The following MED16 variants were observed in gnomAD, a reference collection of about 807,000 sequenced individuals.
The protein encoded by MED16 is mediator complex subunit 16.
MED16 carries 81 observed loss-of-function variants against 84.4 expected under a neutral mutation model. The ratio of observed to expected loss-of-function variants is 0.96; its 90% CI spans 0.80 to 1.15. The LOEUF (loss-of-function observed/expected upper bound fraction) is 1.15. Ranked by LOEUF, MED16 falls within the 50% of genes most tolerant of loss-of-function variation. MED16 has a pLI of 0.00. For synonymous variants in MED16, 897 were observed against 552.2 expected, an observed-to-expected ratio of 1.62 and a Z score of -8.76; for missense variants, 1,585 against 1,245.9, an observed-to-expected ratio of 1.27 and a Z score of -4.10.
intron 1 of MED16, 143 bp downstream of exon 1, chr19:892,943 A>C (rs1002620083): frequency 9.1e-6 from 1 of 109,734 alleles, no homozygotes; most frequent in African/African-American, 3.4e-5. Context: ...CCCGCGCCCC[A>C]GGCCGCCTAC....
chr19:892,621 C>CA (rs1233214639), intron 1 of MED16: 2 of 151,642 alleles, frequency 1.3e-5, no homozygotes, highest in Non-Finnish European at 2.9e-5. Flanking sequence ...TATAACTCCG[C>CA]AGTCCCCAGT....
At chr19:872,832 TG>T in intron 11 of MED16, 1 of 416,326 alleles carries the variant, frequency 2.4e-6, no homozygotes, top group Non-Finnish European at 3.3e-6. Flanking sequence ...CGTGTAGGGG[TG>T]GGGCTGAGAA....
At chr19:869,725 G>A (rs1162714501) in intron 13 of MED16, among the ~76,000 whole-genome samples, 1 of 152,216 alleles carries the variant, frequency 6.6e-6, no homozygotes, top group Non-Finnish European at 1.5e-5. Flanking sequence ...AGGGCTGCTG[G>A]AGGTTCACTT....
intron 6 of MED16, among the ~76,000 whole-genome samples, chr19:883,227 C>A (rs982984817): frequency 6.6e-6 from 1 of 151,528 alleles, no homozygotes; most frequent in African/African-American, 2.4e-5. Context: ...TGGTAGGAAC[C>A]GAAGCCTGGC....
At chr19:892,029 G>A (rs2036647468) in intron 1 of MED16, among the ~76,000 whole-genome samples, 1 of 146,678 alleles carries the variant, frequency 6.8e-6, no homozygotes, top group East Asian at 2.0e-4. Flanking sequence ...TGGCCGAGGC[G>A]GGGCTGAGTG....
At chr19:875,846 G>A (rs945138482) in intron 9 of MED16, among the ~76,000 whole-genome samples, 1 of 152,200 alleles carries the variant, frequency 6.6e-6, no homozygotes, top group African/African-American at 2.4e-5. Context: ...GGTCTAGAGA[G>A]AATGAATGAA....
chr19:889,500 G>T lies in MED16; in HGVS notation c.447+138C>A, dbSNP rs188589823. 7.9e-5 allele frequency: 74 copies of T among 939,320 alleles called. No individual in the cohort carries two copies. The East Asian group carries it at 1.8e-3, about 23-fold the overall frequency. 58.2% of individuals were successfully genotyped at this position (939,320 alleles called of 1,614,324 possible). On this transcript the variant is annotated intron_variant, in intron 4 of 15. Transcript: ENST00000325464. The stretch of plus-strand genomic sequence containing the variant: ...ACTGAACACACAGGTGCTAATGACA[G>T]CCGGACTGCAGGTGGGAGCCAAGTG...
chr19:879,739 T>G (rs867818427), intron 8 of MED16, among the ~76,000 whole-genome samples, 198 bp downstream of exon 8: 170 of 143,084 alleles, frequency 1.2e-3, no homozygotes, highest in Non-Finnish European at 1.6e-3. Context: ...CAGCTCGCCT[T>G]CCCCTGGTTG....
At chr19:869,057 C>T (rs2035985671) in intron 13 of MED16, 111 bp from the exon 14 acceptor site, 1 of 938,668 alleles carries the variant, frequency 1.1e-6, no homozygotes, top group Non-Finnish European at 1.5e-6. Flanking sequence ...CTCACACCAT[C>T]TGCCAGGTGG....
At chr19:877,226 G>GC in intron 8 of MED16, 46 bp from the exon 9 acceptor site, 1 of 1,552,542 alleles carries the variant, frequency 6.4e-7, no homozygotes, top group East Asian at 2.3e-5. Context: ...ATGGGGCTGC[G>GC]CCCTCAGCCG....
At chr19:875,048 C>T (rs1427171685) in intron 10 of MED16, among the ~76,000 whole-genome samples, 196 bp downstream of exon 10, 1 of 152,168 alleles carries the variant, frequency 6.6e-6, no homozygotes. Flanking sequence ...CCTGTAATCC[C>T]AGCTACTTGG....
intron 4 of MED16, among the ~76,000 whole-genome samples, chr19:887,850 G>C (rs920429859): frequency 3.3e-5 from 5 of 151,854 alleles, no homozygotes; most frequent in African/African-American, 9.7e-5. Context: ...TCGGGGGCTG[G>C]GGTGGGGGAT....
chr19:883,485 G>A (rs867516544), intron 6 of MED16, among the ~76,000 whole-genome samples: 7 of 151,786 alleles, frequency 4.6e-5, no homozygotes, highest in African/African-American at 1.5e-4. Flanking sequence ...TGGTGGGCAC[G>A]TGGGGCGGTA....
chr19:875,201 G>T (rs765513401), intron 10 of MED16, 43 bp downstream of exon 10: 3 of 1,290,890 alleles, frequency 2.3e-6, no homozygotes, highest in Middle Eastern at 2.3e-4. Context: ...AAAATAAATA[G>T]ATGAAAGAAA....
intron 9 of MED16, among the ~76,000 whole-genome samples, 193 bp from the exon 10 acceptor site, chr19:875,647 G>T (rs1210120059): frequency 6.6e-6 from 1 of 152,242 alleles, no homozygotes; most frequent in Non-Finnish European, 1.5e-5. Flanking sequence ...CAGGTGCTGG[G>T]TTCTCAGCTG....
chr19:883,249 G>A (rs976516808), intron 6 of MED16, among the ~76,000 whole-genome samples: 4 of 151,706 alleles, frequency 2.6e-5, no homozygotes, highest in Admixed American at 6.6e-5. Flanking sequence ...TGGTGGGCAC[G>A]TGGGGCGGTG....
At chr19:888,970 A>T (rs1041993787) in intron 4 of MED16, among the ~76,000 whole-genome samples, 1 of 152,066 alleles carries the variant, frequency 6.6e-6, no homozygotes, top group East Asian at 1.9e-4. Flanking sequence ...GCCGTCAGTG[A>T]GGAAACTGAC....
intron 10 of MED16, among the ~76,000 whole-genome samples, chr19:874,279 G>C (rs895533254): frequency 2.0e-5 from 3 of 152,134 alleles, no homozygotes; most frequent in East Asian, 3.9e-4. Context: ...ACGCCCGGCT[G>C]ATTTTTGTAT....
rs774122539 is a variant in MED16, at chr19:881,574, A to G, written c.1126T>C (p.Phe376Leu). 74 of 1,612,106 alleles carry G rather than the reference A, an allele frequency of 4.6e-5. No homozygotes were observed. The highest frequency in any genetic ancestry group is 5.9e-5 in the Non-Finnish European group (70 of 1,179,820). ...TDLKVASDTQ[F>L]YPGLGLALAF... ...TCCACCGTACCGAGGCCAGGGTAGA[A>G]CTGTGTGTCGCTGGCCACCTTGAGG... The change falls in exon 7 of 16, where the codon TTC becomes CTC. Residue 376 changes from phenylalanine (F) to leucine (L), a missense_variant. Phe to Leu is a conservative substitution (Grantham distance 22). Coordinates refer to ENST00000325464, the MANE Select transcript of MED16 (RefSeq NM_005481.3).
Sources: allele counts gnomAD v4.1 joint callset (sites outside exome capture counted in the v4.1 genomes callset), GRCh38; gene constraint gnomAD v4.1.1; transcripts MANE v1.5; gene names NCBI Gene and HGNC (gene_info 2026-07-23, HGNC 2026-07-21).